PTBP3: variants seen among roughly 807,000 people sequenced by gnomAD.
The protein encoded by PTBP3 is polypyrimidine tract-binding protein 3.
A neutral mutation model predicts 58.7 loss-of-function variants in PTBP3; 20 were observed. That is an observed-to-expected ratio of 0.34 (90% CI 0.24 to 0.50). The LOEUF is 0.50. PTBP3 is among the 20% of genes least tolerant of loss of function. The pLI is 0.98. For missense variants in PTBP3, 509 were observed against 637.2 expected (o/e 0.80, Z 2.17); for synonymous variants, 185 against 219.8 (o/e 0.84, Z 1.40).
intron 2 of PTBP3, among the ~76,000 whole-genome samples, chr9:112,287,930 G>A (rs959433471): frequency 1.3e-5 from 2 of 152,016 alleles, no homozygotes; most frequent in African/African-American, 4.8e-5. Flanking sequence ...ACTTGTTTAT[G>A]GGTCACATTT....
intron 2 of PTBP3, among the ~76,000 whole-genome samples, chr9:112,277,847 C>T (rs779159117): frequency 7.9e-5 from 12 of 151,600 alleles, no homozygotes; most frequent in Non-Finnish European, 1.6e-4. Context: ...CTTGCACTCC[C>T]TGTCTCAAAT....
chr9:112,298,532 A>G, intron 1 of PTBP3: 1 of 511,090 alleles, frequency 2.0e-6, no homozygotes. Flanking sequence ...GTAATGTAAG[A>G]TCTACCACCA....
Position 112,221,002 on chromosome 9 carries a change from A to T in PTBP3, c.*2849T>A. The T allele has an allele frequency of 1.0e-6, 1 of 974,700 alleles. No homozygotes were observed. Among genetic ancestry groups the T allele is most frequent in the Non-Finnish European group, 1.2e-6 (1 of 820,216 alleles). The allele number at this position is 974,700 out of a possible 1,614,324, so 60.4% of individuals were successfully genotyped here. A position where few individuals can be genotyped will look rare whatever the true frequency, so the allele number is the denominator to read the frequency against. ...TTTTTCCACCATCCTGATATTTTTT[A>T]ATCTTTTTTTTACAAAAACTATGCC... On this transcript the variant is annotated 3_prime_UTR_variant, in exon 14 of 14. Transcript: ENST00000374257.
At chr9:112,228,319 A>C (rs1835068441) in intron 11 of PTBP3, 61 bp downstream of exon 11, 1 of 1,256,446 alleles carries the variant, frequency 8.0e-7, no homozygotes, top group Admixed American at 2.4e-5. Context: ...ATTTTGAAGG[A>C]AAATTCACAC....
chr9:112,295,569 A>C (rs965932423), intron 2 of PTBP3, among the ~76,000 whole-genome samples: 2 of 150,084 alleles, frequency 1.3e-5, no homozygotes, highest in African/African-American at 4.9e-5. Flanking sequence ...TCTGGGTAGC[A>C]ATGTGTCAGA....
intron 1 of PTBP3, chr9:112,332,928 G>A (rs1294596030): frequency 7.1e-6 from 11 of 1,543,352 alleles, no homozygotes; most frequent in Non-Finnish European, 9.6e-6. Flanking sequence ...AAGTCCCGCG[G>A]CGGCCCTGGG....
the PTBP3 span, among the ~76,000 whole-genome samples, chr9:112,375,252 A>G: frequency 6.6e-6 from 1 of 152,076 alleles, no homozygotes; most frequent in African/African-American, 2.4e-5. Flanking sequence ...ATTGTCACCA[A>G]TTTTCCAATC....
At chr9:112,307,421 T>G (rs1268679201) in intron 1 of PTBP3, among the ~76,000 whole-genome samples, 1 of 152,088 alleles carries the variant, frequency 6.6e-6, no homozygotes, top group Non-Finnish European at 1.5e-5. Context: ...CACTGCACTC[T>G]GGCCTGGGTG....
At chr9:112,240,752 C>T (rs771121759) in intron 7 of PTBP3, among the ~76,000 whole-genome samples, 17 of 151,616 alleles carry the variant, frequency 1.1e-4, no homozygotes, top group Admixed American at 1.1e-3. Context: ...CAGCTTCATG[C>T]ATGTTTACTG....
At chr9:112,298,106 T>C (rs890650318) in intron 1 of PTBP3, among the ~76,000 whole-genome samples, 190 bp from the exon 2 acceptor site, 4 of 152,206 alleles carry the variant, frequency 2.6e-5, no homozygotes, top group African/African-American at 7.2e-5. Flanking sequence ...CACAACTATA[T>C]AAACACAACT....
At position 112,305,899 on chromosome 9, in the gene PTBP3, C is replaced by T. The variant is rs542052075; in HGVS notation, c.-51-7983G>A. ...AGCTTGCAGTGAGCCGAGACCGCGCCACTGCACTCCAGCCTGGGCGACAGA... is the reference window on the plus strand; with the variant it reads ...AGCTTGCAGTGAGCCGAGACCGCGCTACTGCACTCCAGCCTGGGCGACAGA... On this transcript the variant is annotated intron_variant, in intron 1 of 13. Coordinates refer to ENST00000374257, the MANE Select transcript of PTBP3 (RefSeq NM_001163788.4). Among the ~76,000 whole-genome samples the T allele has an allele frequency of 2.5e-3, 377 of 152,106 alleles. 2 individuals are homozygous for T. The highest frequency in any genetic ancestry group is 0.024 in the Middle Eastern group (7 of 294).
Position 112,250,939 on chromosome 9 carries a change from A to T in PTBP3, c.792T>A (p.Ala264=). The stretch of plus-strand genomic sequence containing the variant: ...AAAAGAACTACTCACCAAAAGCAGC[A>T]GCCATAGGGGGTTCAAGGGATGGCT... ...DGQPSLEPPM[A]AAFGAPGIIS... Residue 264 remains alanine (A), a synonymous_variant, in exon 7 of 14, where the codon GCT becomes GCA. Coordinates refer to ENST00000374257, the MANE Select transcript of PTBP3 (RefSeq NM_001163788.4). 6.4e-7 allele frequency: 1 copy of T among 1,554,298 alleles called. No individual in the cohort carries two copies. The highest frequency in any genetic ancestry group is 8.7e-7 in the Non-Finnish European group (1 of 1,155,312).
chr9:112,254,135 A>T (rs1470189676), intron 5 of PTBP3, among the ~76,000 whole-genome samples: 2 of 151,924 alleles, frequency 1.3e-5, no homozygotes, highest in African/African-American at 4.8e-5. Flanking sequence ...GGACTACACC[A>T]CATCTGGCTA....
In PTBP3 at chr9:112,223,368, AATATAATT is replaced by A; in HGVS notation, c.*475_*482del. On this transcript the variant is annotated 3_prime_UTR_variant, in exon 14 of 14. Coordinates refer to ENST00000374257, the MANE Select transcript of PTBP3 (RefSeq NM_001163788.4). ...AAAGATCTGATGTACTTTATATGTGAATATAATTTCCTACAAGGGTCAGACTTCTGATT... is the reference window on the plus strand; with the variant it reads ...AAAGATCTGATGTACTTTATATGTGATCCTACAAGGGTCAGACTTCTGATT... 1.0e-6 allele frequency: 1 copy of A among 967,292 alleles called. No individual in the cohort carries two copies. The highest frequency in any genetic ancestry group is 1.2e-6 in the Non-Finnish European group (1 of 812,350). 59.9% of individuals were successfully genotyped at this position (967,292 alleles called of 1,614,324 possible).
At chr9:112,359,680 G>A in the PTBP3 span, among the ~76,000 whole-genome samples, 2 of 152,136 alleles carry the variant, frequency 1.3e-5, no homozygotes, top group African/African-American at 2.4e-5. Context: ...GCAGGTGCCT[G>A]TAATCCCAGC....
At chr9:112,375,122 C>T in the PTBP3 span, among the ~76,000 whole-genome samples, 38,579 of 151,990 alleles carry the variant, frequency 0.25, 5,568 homozygotes, top group African/African-American at 0.37. Context: ...GTCCACAGAA[C>T]GAGTCATCCT....
At chr9:112,347,064 G>T in the PTBP3 span, among the ~76,000 whole-genome samples, 1 of 152,072 alleles carries the variant, frequency 6.6e-6, no homozygotes, top group Non-Finnish European at 1.5e-5. Context: ...ATATAACCTT[G>T]TGCACCAGAA....
chr9:112,230,102 T>G (rs1399757838), intron 10 of PTBP3, among the ~76,000 whole-genome samples: 1 of 152,186 alleles, frequency 6.6e-6, no homozygotes, highest in Admixed American at 6.5e-5. Context: ...ACAAAAATCT[T>G]GAGTTGTAAA....
intron 2 of PTBP3, among the ~76,000 whole-genome samples, chr9:112,290,685 AAAATAT>A (rs1309804378): frequency 1.3e-4 from 5 of 38,436 alleles, no homozygotes; most frequent in African/African-American, 4.8e-4. Flanking sequence ...AAAAAAAAAA[AAAATAT>A]ATATATATAT....
Sources: allele counts gnomAD v4.1 joint callset (sites outside exome capture counted in the v4.1 genomes callset), GRCh38; gene constraint gnomAD v4.1.1; transcripts MANE v1.5; gene names NCBI Gene and HGNC (gene_info 2026-07-23, HGNC 2026-07-21).